The following TENM2 variants were observed in gnomAD, a reference collection of about 807,000 sequenced individuals.
TENM2 encodes the protein teneurin-2.
A neutral mutation model predicts 245.2 loss-of-function variants in TENM2; 52 were observed. The ratio of observed to expected loss-of-function variants is 0.21; its 90% CI spans 0.17 to 0.27. The LOEUF (loss-of-function observed/expected upper bound fraction) is 0.27, where lower values mean the gene tolerates loss of function less well. TENM2 is among the 10% of genes least tolerant of loss of function. The pLI is 1.00. For synonymous variants in TENM2, 1,363 were observed against 1,438.9 expected (o/e 0.95, Z 1.19); for missense variants, 3,046 against 3,666.8 (o/e 0.83, Z 4.37).
the TENM2 span, among the ~76,000 whole-genome samples, chr5:167,008,384 C>A: frequency 8.5e-5 from 13 of 152,310 alleles, no homozygotes; most frequent in African/African-American, 3.1e-4. Flanking sequence ...GTTCATACTC[C>A]TTCCAGCGGT....
the TENM2 span, among the ~76,000 whole-genome samples, chr5:167,232,146 A>T: frequency 6.6e-6 from 1 of 152,098 alleles, no homozygotes; most frequent in East Asian, 1.9e-4. Flanking sequence ...ACTCATGGAG[A>T]ACCTTTTCTA....
At chr5:167,779,736 T>A in intron 2 of TENM2, among the ~76,000 whole-genome samples, 1 of 152,176 alleles carries the variant, frequency 6.6e-6, no homozygotes, top group Admixed American at 6.5e-5. Flanking sequence ...AACAAACAAG[T>A]CTCAGAGAGA....
At position 167,548,337 on chromosome 5, in the gene TENM2, C is replaced by T. The variant is rs141289900; in HGVS notation, c.502+172864C>T. Among the ~76,000 whole-genome samples, 813 of 152,288 alleles carry T rather than the reference C, an allele frequency of 5.3e-3. 2 individuals carry two copies. Among genetic ancestry groups the T allele is most frequent in the Non-Finnish European group, 8.2e-3 (557 of 68,020 alleles). ...CCTACCAATTTCTTCAATTTCAGAT[C>T]ATGTCCTTGACTTGGTACTGCTCTC... On this transcript the variant is annotated intron_variant, in intron 2 of 28. Coordinates refer to ENST00000518659, the Ensembl canonical transcript of TENM2.
the TENM2 span, among the ~76,000 whole-genome samples, chr5:167,077,455 GA>G: frequency 6.6e-6 from 1 of 152,096 alleles, no homozygotes; most frequent in Non-Finnish European, 1.5e-5. Flanking sequence ...TAGGAGGGAG[GA>G]AAAACGTATT....
chr5:167,398,373 TCTTC>T (rs754897623), intron 2 of TENM2, among the ~76,000 whole-genome samples: 2 of 99,316 alleles, frequency 2.0e-5, no homozygotes, highest in Admixed American at 1.1e-4. Context: ...TTCCTTTCTT[TCTTC>T]CTTTCTTTCT....
intron 2 of TENM2, among the ~76,000 whole-genome samples, chr5:167,851,795 T>A (rs1770605434): frequency 6.6e-6 from 1 of 152,200 alleles, no homozygotes; most frequent in African/African-American, 2.4e-5. Context: ...AATGCTGTGT[T>A]CCTTCGTCTT....
At chr5:168,066,589 ATAT>A (rs1243138807) in intron 7 of TENM2, among the ~76,000 whole-genome samples, 15 of 152,204 alleles carry the variant, frequency 9.9e-5, no homozygotes, top group African/African-American at 3.6e-4. Flanking sequence ...CATAAATGTA[ATAT>A]TATTGTTTCT....
chr5:168,229,405 T>C (rs1196923896), intron 25 of TENM2, among the ~76,000 whole-genome samples: 5 of 152,094 alleles, frequency 3.3e-5, no homozygotes, highest in Non-Finnish European at 7.4e-5. Context: ...CCTACCATCA[T>C]GCTAACCCCT....
chr5:167,859,349 C>T (rs1426393892), intron 2 of TENM2, among the ~76,000 whole-genome samples: 45 of 147,468 alleles, frequency 3.1e-4, no homozygotes, highest in Admixed American at 1.8e-3. Flanking sequence ...AGCGTCTCCG[C>T]CCGGCAGCCA....
At position 167,445,369 on chromosome 5, in the gene TENM2, A is replaced by AGAGAGAGAGAGAGAGTGAGT. The variant is rs35699708; in HGVS notation, c.502+69897_502+69898insAGAGAGAGAGAGAGTGAGTG. ...GAGAGAGAGAGAGAGAGAGAGAGAGAGTGTCAGGTGTTGTCTTGTTGTTGG... is the reference window on the plus strand; with the variant it reads ...GAGAGAGAGAGAGAGAGAGAGAGAGAGAGAGAGAGAGAGAGTGAGTGTGTCAGGTGTTGTCTTGTTGTTGG... On this transcript the variant is annotated intron_variant, in intron 2 of 28. Coordinates refer to ENST00000518659, the Ensembl canonical transcript of TENM2. Among the ~76,000 whole-genome samples, 69 of 98,538 alleles carry AGAGAGAGAGAGAGAGTGAGT rather than the reference A, an allele frequency of 7.0e-4. 2 individuals are homozygous for AGAGAGAGAGAGAGAGTGAGT. The highest frequency in any genetic ancestry group is 3.0e-3 in the African/African-American group (59 of 19,796). The allele number at this position is 98,538 out of a possible 152,430, so 64.6% of individuals were successfully genotyped here.
At chr5:167,529,088 C>T (rs1771314388) in intron 2 of TENM2, among the ~76,000 whole-genome samples, 1 of 152,134 alleles carries the variant, frequency 6.6e-6, no homozygotes, top group Non-Finnish European at 1.5e-5. Flanking sequence ...CTTGGCTTGG[C>T]TTCTCTCCTT....
In TENM2 at chr5:167,285,047, T is replaced by C. The variant is rs373051529; in HGVS notation, c.210T>C (p.Asp70=). The change falls in exon 1 of 29, where the codon GAT becomes GAC. Residue 70 remains aspartate, a synonymous_variant. Coordinates refer to ENST00000518659, the Ensembl canonical transcript of TENM2. ...CAGACCTCATCCACCGGGAGTCAGA[T>C]GAGTTTCCTAGACAAGGTTTGTAGG... 3.5e-5 allele frequency: 54 copies of C among 1,552,046 alleles called. No homozygotes were observed. In the African/African-American group the frequency reaches 6.0e-4, roughly 17 times the overall value.
intron 2 of TENM2, among the ~76,000 whole-genome samples, chr5:167,572,581 C>G (rs1168509144): frequency 6.6e-6 from 1 of 152,108 alleles, no homozygotes. Flanking sequence ...TCACCAATAA[C>G]TTATACCAAA....
chr5:167,690,914 T>G (rs1757384244), intron 2 of TENM2, among the ~76,000 whole-genome samples: 1 of 133,992 alleles, frequency 7.5e-6, no homozygotes, highest in African/African-American at 3.0e-5. Flanking sequence ...TATATCCGTA[T>G]ATGCGAGTAT....
chr5:167,435,341 C>T (rs745493940), intron 2 of TENM2, among the ~76,000 whole-genome samples: 20 of 152,256 alleles, frequency 1.3e-4, no homozygotes, highest in East Asian at 7.7e-4. Flanking sequence ...GTCTTTCCTA[C>T]GCTGTTATCG....
chr5:167,458,512 AAAAAG>A (rs1766073583), intron 2 of TENM2, among the ~76,000 whole-genome samples: 3 of 151,422 alleles, frequency 2.0e-5, no homozygotes, highest in Admixed American at 1.3e-4. Context: ...AAAAAAAAAA[AAAAAG>A]ACATTTTTGG....
At chr5:167,535,333 A>T (rs1771780384) in intron 2 of TENM2, among the ~76,000 whole-genome samples, 1 of 151,964 alleles carries the variant, frequency 6.6e-6, no homozygotes, top group African/African-American at 2.4e-5. Context: ...CCTTAGAGAC[A>T]AGGAGAAGTC....
the TENM2 span, among the ~76,000 whole-genome samples, chr5:167,110,056 G>T: frequency 1.3e-5 from 2 of 151,780 alleles, no homozygotes; most frequent in Non-Finnish European, 2.9e-5. Context: ...AATTTCTTTT[G>T]CCCTTACCAG....
At chr5:168,071,357 A>G (rs1007865951) in intron 7 of TENM2, among the ~76,000 whole-genome samples, 1 of 152,224 alleles carries the variant, frequency 6.6e-6, no homozygotes, top group African/African-American at 2.4e-5. Context: ...TTTAAAGATA[A>G]CTTTTATTTT....
Sources: allele counts gnomAD v4.1 joint callset (sites outside exome capture counted in the v4.1 genomes callset), GRCh38; gene constraint gnomAD v4.1.1; transcripts MANE v1.5; gene names NCBI Gene and HGNC (gene_info 2026-07-23, HGNC 2026-07-21).